The following SDK1 variants were observed in gnomAD, a reference collection of about 807,000 sequenced individuals.
SDK1 encodes protein sidekick-1.
In SDK1, 157 loss-of-function variants were observed where a neutral mutation model predicts 245.5. The ratio of observed to expected loss-of-function variants is 0.64; its 90% CI spans 0.56 to 0.73. SDK1 has a LOEUF of 0.73. SDK1 is among the 30% of genes least tolerant of loss of function. The pLI is 0.00. For missense variants in SDK1, 3,583 were observed against 3,002.3 expected, an observed-to-expected ratio of 1.19 and a Z score of -4.52; for synonymous variants, 1,647 against 1,278.5, an observed-to-expected ratio of 1.29 and a Z score of -6.15.
chr7:3,917,093 A>C (rs1779410813), intron 5 of SDK1, among the ~76,000 whole-genome samples: 1 of 152,246 alleles, frequency 6.6e-6, no homozygotes, highest in Non-Finnish European at 1.5e-5. Context: ...TTTTCTATCA[A>C]ATGAATCCTG....
chr7:3,444,553 T>G (rs1409318458), intron 1 of SDK1, among the ~76,000 whole-genome samples: 2 of 152,206 alleles, frequency 1.3e-5, no homozygotes, highest in South Asian at 2.1e-4. Flanking sequence ...TTTTTCAAAA[T>G]TCTGTTTAAA....
intron 1 of SDK1, among the ~76,000 whole-genome samples, chr7:3,538,293 G>T (rs901677090): frequency 1.3e-5 from 2 of 152,020 alleles, no homozygotes; most frequent in Non-Finnish European, 2.9e-5. Flanking sequence ...CCAGCTGTCC[G>T]CATTTTGTCT....
At chr7:4,149,545 C>A in intron 30 of SDK1, 82 bp downstream of exon 30, 1 of 959,508 alleles carries the variant, frequency 1.0e-6, no homozygotes, top group Non-Finnish European at 1.4e-6. Flanking sequence ...AGTGGGGAGG[C>A]TGTGTGGGCC....
chr7:3,621,147 A>G (rs1004871780), intron 2 of SDK1, among the ~76,000 whole-genome samples: 4 of 152,146 alleles, frequency 2.6e-5, no homozygotes, highest in Non-Finnish European at 4.4e-5. Flanking sequence ...CGTAGGCAGC[A>G]TTATACATTA....
At chr7:4,162,002 A>G in intron 32 of SDK1, 146 bp downstream of exon 32, 1 of 633,950 alleles carries the variant, frequency 1.6e-6, no homozygotes, top group Non-Finnish European at 2.8e-6. Flanking sequence ...CTCAGACTCA[A>G]AAACGCGAGG....
At chr7:4,218,974 A>AT (rs1427368331) in intron 38 of SDK1, among the ~76,000 whole-genome samples, 5 of 151,780 alleles carry the variant, frequency 3.3e-5, no homozygotes, top group African/African-American at 1.2e-4. Flanking sequence ...CATATGTGTA[A>AT]TTTTCAATAT....
chr7:3,313,927 A>G (rs894638687), intron 1 of SDK1, among the ~76,000 whole-genome samples: 4 of 152,200 alleles, frequency 2.6e-5, no homozygotes, highest in African/African-American at 9.6e-5. Context: ...AATTTTTGTC[A>G]AAATTTTAAA....
chr7:4,117,483 A>C (rs777214592), intron 25 of SDK1, among the ~76,000 whole-genome samples: 1 of 152,210 alleles, frequency 6.6e-6, no homozygotes, highest in Non-Finnish European at 1.5e-5. Flanking sequence ...AAAATAAGTA[A>C]ATAAATGAAT....
chr7:4,179,609 T>A (rs879235855), intron 35 of SDK1, among the ~76,000 whole-genome samples: 1 of 152,044 alleles, frequency 6.6e-6, no homozygotes, highest in African/African-American at 2.4e-5. Context: ...TCTGCCTCTC[T>A]TTGCACGAAA....
chr7:4,264,381 G>A (rs1420798787), intron 44 of SDK1, among the ~76,000 whole-genome samples: 1 of 143,538 alleles, frequency 7.0e-6, no homozygotes, highest in Non-Finnish European at 1.5e-5. Context: ...CTGAGTGAGG[G>A]AGGCCGTGTG....
chr7:3,874,139 G>A lies in SDK1; in HGVS notation c.847+52556G>A, dbSNP rs145512113. Among the ~76,000 whole-genome samples the A allele has an allele frequency of 3.1e-3, 466 of 152,230 alleles. 4 individuals are homozygous for A. Among genetic ancestry groups the A allele is most frequent in the African/African-American group, 0.01 (430 of 41,532 alleles). The stretch of plus-strand genomic sequence containing the variant: ...GCCATTAATATGAAGGTTTTTGTTC[G>A]TTTGGTCAGAGATTTGGCTAGGTTT... On this transcript the variant is annotated intron_variant, in intron 5 of 44. Coordinates refer to ENST00000404826, the MANE Select transcript of SDK1 (RefSeq NM_152744.4).
At chr7:3,516,486 AT>A (rs1297762802) in intron 1 of SDK1, among the ~76,000 whole-genome samples, 3 of 152,076 alleles carry the variant, frequency 2.0e-5, no homozygotes, top group Non-Finnish European at 2.9e-5. Flanking sequence ...TTAAAGAGCT[AT>A]TTTTTACTGA....
chr7:3,492,705 C>A (rs981659474), intron 1 of SDK1, among the ~76,000 whole-genome samples: 5 of 152,160 alleles, frequency 3.3e-5, no homozygotes, highest in African/African-American at 1.2e-4. Context: ...CTCTCTGTTA[C>A]ATAACATCCC....
chr7:3,523,007 A>G (rs995048472), intron 1 of SDK1, among the ~76,000 whole-genome samples: 1 of 152,274 alleles, frequency 6.6e-6, no homozygotes, highest in African/African-American at 2.4e-5. Flanking sequence ...CAAAGTTGTA[A>G]TTTAATACAA....
intron 30 of SDK1, among the ~76,000 whole-genome samples, chr7:4,151,864 G>T (rs1780403669): frequency 6.6e-6 from 1 of 152,206 alleles, no homozygotes; most frequent in Non-Finnish European, 1.5e-5. Flanking sequence ...TATTTCCTGA[G>T]GTTTTTGTAG....
At chr7:3,584,999 C>T (rs1246212069) in intron 1 of SDK1, among the ~76,000 whole-genome samples, 1 of 152,186 alleles carries the variant, frequency 6.6e-6, no homozygotes, top group African/African-American at 2.4e-5. Flanking sequence ...GCTGGGATTA[C>T]AGACGTGAGC....
chr7:4,245,144 TG>T (rs1786767233), intron 43 of SDK1, among the ~76,000 whole-genome samples: 2 of 152,184 alleles, frequency 1.3e-5, no homozygotes. Flanking sequence ...GGGGCAGTGA[TG>T]GAGCCATCTT....
At chr7:3,309,275 A>G (rs1779493065) in intron 1 of SDK1, among the ~76,000 whole-genome samples, 3 of 152,144 alleles carry the variant, frequency 2.0e-5, no homozygotes, top group African/African-American at 7.2e-5. Flanking sequence ...GCCCTTCTAT[A>G]CAATGGATGT....
intron 14 of SDK1, among the ~76,000 whole-genome samples, chr7:4,006,038 G>A (rs982670722): frequency 6.6e-6 from 1 of 152,182 alleles, no homozygotes; most frequent in Admixed American, 6.5e-5. Context: ...CTGCACTCCA[G>A]CCTGGATGAC....
Sources: allele counts gnomAD v4.1 joint callset (sites outside exome capture counted in the v4.1 genomes callset), GRCh38; gene constraint gnomAD v4.1.1; transcripts MANE v1.5; gene names NCBI Gene and HGNC (gene_info 2026-07-23, HGNC 2026-07-21).